The following RPS29 variants were observed in gnomAD, a reference collection of about 807,000 sequenced individuals.
RPS29 encodes the protein ribosomal protein S29.
For synonymous variants in RPS29, 37 were observed against 26.9 expected (o/e 1.37, Z -1.16); for missense variants, 60 against 75.7 (o/e 0.79, Z 0.77).
At chr14:49,595,750 C>T (rs998939785) in intron 1 of RPS29, among the ~76,000 whole-genome samples, 1 of 152,040 alleles carries the variant, frequency 6.6e-6, no homozygotes, top group Non-Finnish European at 1.5e-5. Flanking sequence ...CGGTGGCTCA[C>T]GCCTGTAATC....
At chr14:49,596,109 T>C (rs1274283270) in intron 1 of RPS29, among the ~76,000 whole-genome samples, 2 of 152,026 alleles carry the variant, frequency 1.3e-5, no homozygotes, top group African/African-American at 2.4e-5. Flanking sequence ...AAAAGTGCAA[T>C]TGGAGCTTGC....
At chr14:49,572,783 C>T (rs1480900668) in exon 3 of RPS29, 1 of 152,184 alleles carries the variant, frequency 6.6e-6, no homozygotes, top group African/African-American at 2.4e-5. Context: ...AAAGAGATTT[C>T]CCTGGCCTGG....
At chr14:49,575,593 T>C (rs1223849893) in exon 3 of RPS29, 1 of 152,204 alleles carries the variant, frequency 6.6e-6, no homozygotes, top group Non-Finnish European at 1.5e-5. Context: ...ACCCCTGTGA[T>C]CCCAACACTT....
chr14:49,598,650 T>G, exon 1 of RPS29: 1 of 700,850 alleles, frequency 1.4e-6, no homozygotes, highest in Non-Finnish European at 2.6e-6. Context: ...CCGCAACGCG[T>G]AAAGCGTCAA....
At chr14:49,587,924 T>G (rs1881625553), upstream of RPS29, among the ~76,000 whole-genome samples, 5 of 152,218 alleles carry the variant, frequency 3.3e-5, no homozygotes, top group South Asian at 1.0e-3. Context: ...TGAACAACTT[T>G]GTGTAACTAG....
At chr14:49,596,918 C>CT (rs11294951) in intron 1 of RPS29, among the ~76,000 whole-genome samples, 3,684 of 121,920 alleles carry the variant, frequency 0.03, 85 homozygotes, top group Middle Eastern at 0.073. Flanking sequence ...TTTTCTTCTT[C>CT]TTTTTTTTTT....
At chr14:49,573,885 G>T (rs949584300) in exon 3 of RPS29, 2 of 152,220 alleles carry the variant, frequency 1.3e-5, no homozygotes, top group African/African-American at 4.8e-5. Flanking sequence ...GTGTGGGTGT[G>T]TGAAAAGAAA....
At chr14:49,580,110 C>A (rs149372680), downstream of RPS29, among the ~76,000 whole-genome samples, 1 of 152,286 alleles carries the variant, frequency 6.6e-6, no homozygotes, top group South Asian at 2.1e-4. Flanking sequence ...AGGCACTGCA[C>A]GTCTCTTACA....
At chr14:49,598,550 T>C in exon 1 of RPS29, 1 of 702,310 alleles carries the variant, frequency 1.4e-6, no homozygotes, top group Non-Finnish European at 2.6e-6. Flanking sequence ...CTCGCTGGCT[T>C]ACGGGGCCAC....
upstream of RPS29, among the ~76,000 whole-genome samples, chr14:49,590,188 A>C (rs1881681629): frequency 6.6e-6 from 1 of 152,140 alleles, no homozygotes; most frequent in Non-Finnish European, 1.5e-5. Flanking sequence ...GTTTTTTTAA[A>C]AACACCTGGC....
Position 49,583,590 on chromosome 14 carries a change from G to A in RPS29, c.*77C>T. The A allele has an allele frequency of 6.6e-7, 1 of 1,505,352 alleles. No individual in the cohort carries two copies. The highest frequency in any genetic ancestry group is 2.3e-5 in the East Asian group (1 of 43,350). 93.2% of individuals were successfully genotyped at this position (1,505,352 alleles called of 1,614,324 possible). On this transcript the variant is annotated 3_prime_UTR_variant, in exon 3 of 3. Transcript: ENST00000245458. ...CATAAACTGAAGGGTTTTTTCAAAT[G>A]TTTATTTTATATACAAAGAATTATC...
chr14:49,585,642 C>T (rs368383503), intron 2 of RPS29: 2 of 426,484 alleles, frequency 4.7e-6, no homozygotes, highest in South Asian at 6.2e-5. Flanking sequence ...AAATGTAAAA[C>T]AATTTTAGTG....
downstream of RPS29, chr14:49,583,538 T>A (rs1332663586): frequency 7.4e-6 from 7 of 943,022 alleles, no homozygotes; most frequent in African/African-American, 1.7e-5. Context: ...TATAAACAAT[T>A]AGCTATTCCA....
chr14:49,582,951 G>C (rs1279513804), downstream of RPS29, among the ~76,000 whole-genome samples: 5 of 152,168 alleles, frequency 3.3e-5, no homozygotes. Flanking sequence ...CACATTGACA[G>C]ATGACAGACC....
chr14:49,583,509 A>G, downstream of RPS29: 1 of 792,602 alleles, frequency 1.3e-6, no homozygotes, highest in South Asian at 2.3e-5. Flanking sequence ...AGTCTCAAAA[A>G]AAAAAAGAAA....
chr14:49,582,557 T>C (rs1032965312), downstream of RPS29, among the ~76,000 whole-genome samples: 1 of 152,258 alleles, frequency 6.6e-6, no homozygotes, highest in Admixed American at 6.5e-5. Flanking sequence ...TATCAGCATA[T>C]AAATTCAATT....
exon 3 of RPS29, chr14:49,573,466 C>CAAAAAAA (rs538991068): frequency 3.4e-4 from 16 of 47,504 alleles, no homozygotes; most frequent in Admixed American, 6.8e-4. Flanking sequence ...GAGTTAGAAT[C>CAAAAAAA]AAAAAAAAAA....
At chr14:49,578,852 C>T (rs1327337176), downstream of RPS29, among the ~76,000 whole-genome samples, 3 of 152,246 alleles carry the variant, frequency 2.0e-5, no homozygotes, top group East Asian at 1.9e-4. Context: ...AGCCACCCCG[C>T]CCAGCCAGCT....
intron 1 of RPS29, chr14:49,598,136 A>T: frequency 2.3e-6 from 1 of 435,210 alleles, no homozygotes; most frequent in Non-Finnish European, 4.1e-6. Context: ...AGTATAACTC[A>T]GACACAATAA....
Sources: allele counts gnomAD v4.1 joint callset (sites outside exome capture counted in the v4.1 genomes callset), GRCh38; gene constraint gnomAD v4.1.1; transcripts MANE v1.5; gene names NCBI Gene and HGNC (gene_info 2026-07-23, HGNC 2026-07-21).